RIT2: variants seen among roughly 807,000 people sequenced by gnomAD.
The protein encoded by RIT2 is GTP-binding protein Rit2.
RIT2 carries 24 observed loss-of-function variants against 23.7 expected under a neutral mutation model. The observed-to-expected ratio is 1.01, with a 90% CI of 0.73 to 1.43. The LOEUF is 1.43. Among genes scored for constraint, RIT2 ranks in the 40% most tolerant of loss-of-function variants. The pLI, the probability that RIT2 is intolerant of heterozygous loss-of-function variation, is 0.00. For missense variants in RIT2, 236 were observed against 266.9 expected, an observed-to-expected ratio of 0.88 and a Z score of 0.81; for synonymous variants, 107 against 91.1, an observed-to-expected ratio of 1.17 and a Z score of -0.99.
intron 4 of RIT2, among the ~76,000 whole-genome samples, chr18:42,802,420 A>G (rs1357606156): frequency 6.6e-6 from 1 of 152,184 alleles, no homozygotes; most frequent in African/African-American, 2.4e-5. Context: ...CTTGGCCCTG[A>G]TAAGATAACA....
At chr18:42,933,205 A>G (rs1909369840) in intron 3 of RIT2, among the ~76,000 whole-genome samples, 1 of 152,156 alleles carries the variant, frequency 6.6e-6, no homozygotes, top group South Asian at 2.1e-4. Flanking sequence ...CAGGCATAAT[A>G]AGCAAGCTTC....
chr18:43,099,660 T>C (rs924154148), intron 1 of RIT2, among the ~76,000 whole-genome samples: 1 of 152,154 alleles, frequency 6.6e-6, no homozygotes, highest in Non-Finnish European at 1.5e-5. Flanking sequence ...CACATGTGTA[T>C]TTGTGTATTT....
chr18:42,920,122 A>T (rs1328775202), intron 4 of RIT2, among the ~76,000 whole-genome samples: 2 of 152,062 alleles, frequency 1.3e-5, no homozygotes, highest in East Asian at 3.9e-4. Context: ...GGAACTGCCC[A>T]CTCCAAACCC....
chr18:42,834,202 G>A (rs1361299475), intron 4 of RIT2, among the ~76,000 whole-genome samples: 1 of 152,158 alleles, frequency 6.6e-6, no homozygotes. Flanking sequence ...AAGGAGAACA[G>A]CATAGGACTG....
At chr18:42,850,491 A>G (rs138317457) in intron 4 of RIT2, among the ~76,000 whole-genome samples, 15 of 152,322 alleles carry the variant, frequency 9.8e-5, no homozygotes, top group Non-Finnish European at 1.9e-4. Flanking sequence ...AATTCCTTTT[A>G]TACATCAAGC....
chr18:42,841,347 G>A (rs918404680), intron 4 of RIT2, among the ~76,000 whole-genome samples: 1 of 152,110 alleles, frequency 6.6e-6, no homozygotes, highest in Non-Finnish European at 1.5e-5. Flanking sequence ...TAAAATTTGA[G>A]GCTCCTTTTT....
intron 4 of RIT2, among the ~76,000 whole-genome samples, chr18:42,914,841 C>T (rs1438792994): frequency 2.6e-5 from 4 of 151,736 alleles, no homozygotes; most frequent in Non-Finnish European, 5.9e-5. Context: ...TCATAGTATT[C>T]TAGAGTTGCA....
chr18:42,971,989 G>T (rs1177664443), intron 3 of RIT2, among the ~76,000 whole-genome samples: 1 of 151,986 alleles, frequency 6.6e-6, no homozygotes, highest in African/African-American at 2.4e-5. Flanking sequence ...TAGACTGAAT[G>T]AATATTCAAT....
At chr18:42,955,482 G>A (rs1230644480) in intron 3 of RIT2, among the ~76,000 whole-genome samples, 1 of 152,106 alleles carries the variant, frequency 6.6e-6, no homozygotes, top group Non-Finnish European at 1.5e-5. Flanking sequence ...TTTAAAGAGG[G>A]TACTGTCAGG....
rs1598778579 is a variant in RIT2 at position 43,088,502 on chromosome 18, T to C, written c.103+26915A>G. ...ATTTTCCTCACAGTAAAAAAACTGGTGTAATTCAGGGCAAGAATAGAAACA... is the reference window on the plus strand; with the variant it reads ...ATTTTCCTCACAGTAAAAAAACTGGCGTAATTCAGGGCAAGAATAGAAACA... On this transcript the variant is annotated intron_variant, in intron 1 of 4. Transcript: ENST00000326695. 2.0e-5 allele frequency among the ~76,000 whole-genome samples: 3 copies of C among 152,286 alleles called. No individual in the cohort carries two copies. In the South Asian group the frequency reaches 6.2e-4, roughly 32 times the overall value.
intron 1 of RIT2, among the ~76,000 whole-genome samples, chr18:43,053,452 T>C (rs564915256): frequency 6.6e-6 from 1 of 152,126 alleles, no homozygotes; most frequent in East Asian, 1.9e-4. Flanking sequence ...ACATATTTCT[T>C]ATGTATAAAA....
intron 1 of RIT2, among the ~76,000 whole-genome samples, chr18:43,055,464 G>A (rs926460893): frequency 1.3e-5 from 2 of 152,072 alleles, no homozygotes; most frequent in African/African-American, 4.8e-5. Flanking sequence ...TCAACTTCAA[G>A]TATAATACCC....
intron 3 of RIT2, among the ~76,000 whole-genome samples, chr18:42,947,576 A>G (rs1279290128): frequency 6.6e-6 from 1 of 152,118 alleles, no homozygotes; most frequent in East Asian, 1.9e-4. Context: ...CTTGATAAGG[A>G]CTGAACTTGA....
intron 2 of RIT2, among the ~76,000 whole-genome samples, chr18:43,001,743 C>T (rs1040950704): frequency 1.4e-4 from 22 of 152,070 alleles, no homozygotes; most frequent in African/African-American, 4.1e-4. Context: ...TTTCTCTTTA[C>T]GTTATTAACC....
At position 42,929,034 on chromosome 18, in the gene RIT2, G is replaced by GATTATATATATATATAT. The variant is rs1555647355; in HGVS notation, c.235-5272_235-5271insATATATATATATATAAT. 1.5e-4 allele frequency among the ~76,000 whole-genome samples: 15 copies of GATTATATATATATATAT among 96,944 alleles called. No individual in the cohort carries two copies. The South Asian group carries it at 2.1e-3, about 14-fold the overall frequency. The allele number at this position is 96,944 out of a possible 152,430, so 63.6% of individuals were successfully genotyped here. ...ACATATACTAAAACTAAAATATGGA[G>GATTATATATATATATAT]ATATATATATATATATATATATATT... is the stretch of plus-strand genomic sequence containing the variant. On this transcript the variant is annotated intron_variant, in intron 3 of 4. Transcript: ENST00000326695.
At chr18:42,890,991 G>A (rs1908157832) in intron 4 of RIT2, among the ~76,000 whole-genome samples, 1 of 152,086 alleles carries the variant, frequency 6.6e-6, no homozygotes, top group Non-Finnish European at 1.5e-5. Context: ...TGAAGAGGAG[G>A]TTTTGATGAA....
At chr18:43,015,462 T>C (rs1050969149) in intron 2 of RIT2, among the ~76,000 whole-genome samples, 1 of 151,716 alleles carries the variant, frequency 6.6e-6, no homozygotes, top group African/African-American at 2.4e-5. Context: ...AGTAGGTAAT[T>C]GGATGTTTAG....
intron 1 of RIT2, among the ~76,000 whole-genome samples, chr18:43,108,305 T>C (rs138797764): frequency 6.6e-6 from 1 of 152,184 alleles, no homozygotes; most frequent in African/African-American, 2.4e-5. Flanking sequence ...TGTAGGCACA[T>C]TAGGTTCATC....
chr18:43,083,109 A>G (rs1240902588), intron 1 of RIT2, among the ~76,000 whole-genome samples: 1 of 152,214 alleles, frequency 6.6e-6, no homozygotes, highest in Non-Finnish European at 1.5e-5. Context: ...GAGTCAAATC[A>G]TGAGAGAACT....
Sources: allele counts gnomAD v4.1 joint callset (sites outside exome capture counted in the v4.1 genomes callset), GRCh38; gene constraint gnomAD v4.1.1; transcripts MANE v1.5; gene names NCBI Gene and HGNC (gene_info 2026-07-23, HGNC 2026-07-21).